Variants in ANKS1A observed in about 807,000 individuals in gnomAD.
ANKS1A encodes the protein ankyrin repeat and SAM domain-containing protein 1A.
A neutral mutation model predicts 120.3 loss-of-function variants in ANKS1A; 55 were observed. That is an observed-to-expected ratio of 0.46 (90% CI 0.37 to 0.57). The LOEUF (loss-of-function observed/expected upper bound fraction) is 0.57. Among genes scored for constraint, ANKS1A ranks in the 20% least tolerant of loss-of-function variants. ANKS1A has a pLI of 0.00. For missense variants in ANKS1A, 1,123 were observed against 1,480.3 expected, an observed-to-expected ratio of 0.76 and a Z score of 3.96; for synonymous variants, 590 against 604.7, an observed-to-expected ratio of 0.98 and a Z score of 0.36.
chr6:34,994,289 T>C lies in ANKS1A; in HGVS notation c.1303-13T>C. On this transcript the variant is annotated splice_polypyrimidine_tract_variant and intron_variant, in intron 9 of 23. Transcript: ENST00000360359. ...CACATGCACAAGATACACTGGATGT[T>C]TCTCTCCCTTAGGTTCTGTCCATGA... The C allele has an allele frequency of 6.2e-7, 1 of 1,612,366 alleles. No individual in the cohort carries two copies. The highest frequency in any genetic ancestry group is 8.5e-7 in the Non-Finnish European group (1 of 1,178,818).
At chr6:35,006,323 A>G (rs1773454035) in intron 10 of ANKS1A, among the ~76,000 whole-genome samples, 1 of 152,056 alleles carries the variant, frequency 6.6e-6, no homozygotes, top group East Asian at 1.9e-4. Flanking sequence ...TCAAAAAAAA[A>G]AAAAGAATAT....
chr6:35,029,415 C>A (rs1774788950), intron 11 of ANKS1A, among the ~76,000 whole-genome samples: 1 of 140,164 alleles, frequency 7.1e-6, no homozygotes. Context: ...GTGGCACAAA[C>A]TTGGTTCACT....
At chr6:35,030,340 C>G (rs1000027767) in intron 11 of ANKS1A, among the ~76,000 whole-genome samples, 5 of 152,156 alleles carry the variant, frequency 3.3e-5, no homozygotes, top group African/African-American at 4.8e-5. Context: ...TATTAAGACT[C>G]AAAGCATTTC....
chr6:35,015,673 G>C (rs1225483693), intron 10 of ANKS1A, among the ~76,000 whole-genome samples: 2 of 152,228 alleles, frequency 1.3e-5, no homozygotes, highest in Non-Finnish European at 2.9e-5. Flanking sequence ...CTGGAGCTGG[G>C]AGGGGAGAGG....
chr6:35,088,517 C>T, intron 23 of ANKS1A, 89 bp from the exon 24 acceptor site: 1 of 1,550,574 alleles, frequency 6.4e-7, no homozygotes, highest in Non-Finnish European at 8.9e-7. Flanking sequence ...GATCGTCTGT[C>T]CTGCTCTGTG....
chr6:34,964,330 G>A (rs1770791579), intron 1 of ANKS1A, among the ~76,000 whole-genome samples: 1 of 152,068 alleles, frequency 6.6e-6, no homozygotes, highest in African/African-American at 2.4e-5. Flanking sequence ...TTAAACTGTG[G>A]TAGAATACAG....
At chr6:34,910,809 C>T (rs1189895193) in intron 1 of ANKS1A, among the ~76,000 whole-genome samples, 4 of 145,380 alleles carry the variant, frequency 2.8e-5, no homozygotes, top group Non-Finnish European at 6.0e-5. Context: ...TGCAGTGAGC[C>T]GAGATTGCAC....
chr6:34,891,244 T>C (rs967622881), intron 1 of ANKS1A, among the ~76,000 whole-genome samples: 4 of 152,172 alleles, frequency 2.6e-5, no homozygotes, highest in African/African-American at 7.2e-5. Flanking sequence ...TGGAGACTTA[T>C]TTGGTGCTCC....
chr6:35,034,125 T>C (rs1293573047), intron 11 of ANKS1A, among the ~76,000 whole-genome samples: 4 of 152,332 alleles, frequency 2.6e-5, no homozygotes, highest in Middle Eastern at 3.4e-3. Context: ...CTTAGAGGTA[T>C]ATTAGTTTGC....
Position 35,086,128 on chromosome 6 carries a change from G to T in ANKS1A, c.3303+192G>T. 1 of 1,156,196 alleles carries T rather than the reference G, an allele frequency of 8.6e-7. No homozygotes were observed. Among genetic ancestry groups the T allele is most frequent in the Non-Finnish European group, 1.2e-6 (1 of 834,680 alleles). 71.6% of individuals were successfully genotyped at this position (1,156,196 alleles called of 1,614,324 possible). A position where few individuals can be genotyped will look rare whatever the true frequency, so the allele number is the denominator to read the frequency against. On this transcript the variant is annotated intron_variant, in intron 22 of 23. Coordinates refer to ENST00000360359, the MANE Select transcript of ANKS1A (RefSeq NM_015245.3). The surrounding 1 kb of genome is among the most constrained non-coding windows in gnomAD (Gnocchi z 5.1). ...AGGCAGCAGCTCCTCTGGCCTGGGC[G>T]GGCCTCTCATGCTCCTGTTTCCCTC...
rs973062757 is a variant in ANKS1A, at chr6:35,090,419, G to A, written c.*1810G>A. The A allele has an allele frequency of 3.9e-5, 47 of 1,199,042 alleles. No homozygotes were observed. The highest frequency in any genetic ancestry group is 4.4e-5 in the Non-Finnish European group (42 of 946,206). 74.3% of individuals were successfully genotyped at this position (1,199,042 alleles called of 1,614,324 possible). A position where few individuals can be genotyped will look rare whatever the true frequency, so the allele number is the denominator to read the frequency against. ...CTGTCGGGGGCGGGGCGGTAGGTCC[G>A]AAAGAAACCGCAGACACTACGATGC... On this transcript the variant is annotated 3_prime_UTR_variant, in exon 24 of 24. Coordinates refer to ENST00000360359, the MANE Select transcript of ANKS1A (RefSeq NM_015245.3).
chr6:35,085,628 A>C lies in ANKS1A; in HGVS notation c.3133-138A>C. ...GACCTAGGAAGAGTAAAGGAGGGAAAGGAGGGAAGAGTGGAAGGAGGTAGG... is the reference window on the plus strand; with the variant it reads ...GACCTAGGAAGAGTAAAGGAGGGAACGGAGGGAAGAGTGGAAGGAGGTAGG... On this transcript the variant is annotated intron_variant, in intron 21 of 23. Transcript: ENST00000360359. The surrounding 1 kb of genome is among the most constrained non-coding windows in gnomAD (Gnocchi z 4.7). 3 of 764,612 alleles carry C rather than the reference A, an allele frequency of 3.9e-6. No homozygotes were observed. The highest frequency in any genetic ancestry group is 5.9e-6 in the Non-Finnish European group (3 of 504,568). 47.4% of individuals were successfully genotyped at this position (764,612 alleles called of 1,614,324 possible).
intron 13 of ANKS1A, among the ~76,000 whole-genome samples, chr6:35,071,673 G>A (rs1777093386): frequency 1.3e-5 from 2 of 152,226 alleles, no homozygotes; most frequent in African/African-American, 4.8e-5. Context: ...GATGCTGTCT[G>A]GCAGAGCCAC....
At chr6:35,017,154 G>A (rs561986778) in intron 10 of ANKS1A, among the ~76,000 whole-genome samples, 4 of 152,060 alleles carry the variant, frequency 2.6e-5, no homozygotes, top group Admixed American at 6.5e-5. Context: ...CACTCTTCTC[G>A]CCTTATATAG....
At chr6:34,978,062 G>A (rs990506994) in intron 3 of ANKS1A, among the ~76,000 whole-genome samples, 6 of 151,906 alleles carry the variant, frequency 3.9e-5, no homozygotes, top group African/African-American at 1.5e-4. Context: ...AGGTTTAAGC[G>A]ATTCTCCTGC....
At chr6:35,006,087 C>G (rs1015255122) in intron 10 of ANKS1A, among the ~76,000 whole-genome samples, 3 of 151,468 alleles carry the variant, frequency 2.0e-5, no homozygotes, top group Non-Finnish European at 2.9e-5. Context: ...ACTCAGGAGG[C>G]TGAGGCAGGA....
rs779386241 is a variant in ANKS1A, at chr6:35,085,839, A to G, written c.3206A>G (p.Gln1069Arg). The change falls in exon 22 of 24, where the codon CAG (glutamine) becomes CGG (arginine). Residue 1069 changes from glutamine to arginine, a missense_variant. Gln to Arg is a conservative substitution (Grantham distance 43). Transcript: ENST00000360359. This position sits in a 1 kb window ranked among gnomAD's most constrained non-coding sequence, Gnocchi z 4.7. ...GCCTATCAGTTGGCCCTGCAGGCCCAGAAGTCCAGGGCGACGGGCGCCTCT... is the reference window on the plus strand; with the variant it reads ...GCCTATCAGTTGGCCCTGCAGGCCCGGAAGTCCAGGGCGACGGGCGCCTCT... ...EVAYQLALQA[Q>R]KSRATGASAA... is the part of the protein sequence containing the mutation. 6.2e-7 allele frequency: 1 copy of G among 1,613,516 alleles called. No homozygotes were observed. Among genetic ancestry groups the G allele is most frequent in the Non-Finnish European group, 8.5e-7 (1 of 1,179,782 alleles).
chr6:34,898,047 G>A (rs1166962183), intron 1 of ANKS1A, among the ~76,000 whole-genome samples: 2 of 152,142 alleles, frequency 1.3e-5, no homozygotes, highest in Admixed American at 1.3e-4. Context: ...AGCATTAAAT[G>A]AGCTAAAGGA....
chr6:34,893,704 C>A (rs1766931373), intron 1 of ANKS1A, among the ~76,000 whole-genome samples: 1 of 152,128 alleles, frequency 6.6e-6, no homozygotes, highest in Non-Finnish European at 1.5e-5. Flanking sequence ...GTCTGTGTAA[C>A]AGGCCAACAA....
Sources: allele counts gnomAD v4.1 joint callset (sites outside exome capture counted in the v4.1 genomes callset), GRCh38; gene constraint gnomAD v4.1.1; non-coding constraint Gnocchi (gnomAD v3.1); transcripts MANE v1.5; gene names NCBI Gene and HGNC (gene_info 2026-07-23, HGNC 2026-07-21).